The following ST8SIA5 variants were observed in gnomAD, a reference collection of about 807,000 sequenced individuals.
ST8SIA5 encodes ST8 alpha-N-acetyl-neuraminide alpha-2,8-sialyltransferase 5.
ST8SIA5 carries 24 observed loss-of-function variants against 40.2 expected under a neutral mutation model. The ratio of observed to expected loss-of-function variants is 0.60; its 90% confidence interval spans 0.43 to 0.84. ST8SIA5 has a LOEUF of 0.84. Among genes scored for constraint, ST8SIA5 ranks in the 40% least tolerant of loss-of-function variants. The pLI, the probability that ST8SIA5 is intolerant of heterozygous loss-of-function variation, is 0.00. For missense variants in ST8SIA5, 465 were observed against 498.5 expected, an observed-to-expected ratio of 0.93 and a Z score of 0.64; for synonymous variants, 198 against 201.8, an observed-to-expected ratio of 0.98 and a Z score of 0.16.
intron 1 of ST8SIA5, among the ~76,000 whole-genome samples, chr18:46,733,960 G>A (rs1294837130): frequency 1.3e-5 from 2 of 152,144 alleles, no homozygotes; most frequent in Admixed American, 6.5e-5. Context: ...TCTGTGGGCT[G>A]GGCCCAGAAT....
rs1320543549 is a variant in ST8SIA5, at chr18:46,674,284, A to G, written c.*5758T>C. The G allele has an allele frequency of 6.6e-6, 1 of 152,214 alleles. No individual in the cohort carries two copies. The highest frequency in any genetic ancestry group is 2.4e-5 in the African/African-American group (1 of 41,446). The allele number at this position is 152,214 out of a possible 1,614,324, so 9.4% of individuals were successfully genotyped here. ...CTAGAGGAAAAAGGATTGGCTAGCC[A>G]GCAAAAAGCAGATGAGCAGGATTAT... On this transcript the variant is annotated 3_prime_UTR_variant, in exon 7 of 7. Coordinates refer to ENST00000315087, the MANE Select transcript of ST8SIA5 (RefSeq NM_013305.6).
intron 1 of ST8SIA5, among the ~76,000 whole-genome samples, chr18:46,755,624 C>A (rs1378924044): frequency 6.6e-6 from 1 of 152,076 alleles, no homozygotes; most frequent in Admixed American, 6.5e-5. Flanking sequence ...TGAGGCTGTG[C>A]CCGAATTGAA....
intron 2 of ST8SIA5, among the ~76,000 whole-genome samples, chr18:46,698,171 CACA>C (rs1218137541): frequency 8.0e-5 from 12 of 150,110 alleles, no homozygotes; most frequent in Admixed American, 1.3e-4. Flanking sequence ...CACCAACAAT[CACA>C]ACAATAATCC....
At chr18:46,709,233 A>G (rs555449990) in intron 1 of ST8SIA5, among the ~76,000 whole-genome samples, 9 of 152,324 alleles carry the variant, frequency 5.9e-5, no homozygotes, top group South Asian at 4.1e-4. Context: ...TCTGCCCTCA[A>G]TGATGGGATT....
intron 2 of ST8SIA5, among the ~76,000 whole-genome samples, chr18:46,702,389 G>A (rs143968862): frequency 6.6e-6 from 1 of 152,286 alleles, no homozygotes; most frequent in African/African-American, 2.4e-5. Context: ...CCCAGGCCCT[G>A]CTTAAAACCA....
intron 3 of ST8SIA5, 178 bp downstream of exon 3, chr18:46,691,991 C>T (rs1461910358): frequency 3.1e-6 from 2 of 638,676 alleles, no homozygotes; most frequent in Non-Finnish European, 5.6e-6. Context: ...AAGGTGCCTG[C>T]CTCAGCCTGC....
chr18:46,756,015 A>G (rs1441393378), intron 1 of ST8SIA5, among the ~76,000 whole-genome samples: 7 of 152,118 alleles, frequency 4.6e-5, no homozygotes, highest in African/African-American at 1.4e-4. Flanking sequence ...GAGCCCTCCG[A>G]CCCCGGAGTC....
intron 1 of ST8SIA5, among the ~76,000 whole-genome samples, chr18:46,732,706 T>C (rs1411123157): frequency 4.6e-5 from 7 of 152,250 alleles, no homozygotes; most frequent in African/African-American, 9.6e-5. Flanking sequence ...GAGGATAATC[T>C]ATTGAATTAT....
chr18:46,684,704 T>C (rs1394819060), intron 5 of ST8SIA5, among the ~76,000 whole-genome samples: 4 of 152,216 alleles, frequency 2.6e-5, no homozygotes, highest in Admixed American at 2.0e-4. Context: ...TTCTGAGTAG[T>C]TATGTTGTGC....
rs59660372 is a variant in ST8SIA5 at position 46,725,972 on chromosome 18, A to AAAATATATATAT, written c.132-21309_132-21308insATATATATATTT. ...CCCATCTCTACTTAAAAAAAAAAAA[A>AAAATATATATAT]ATATATATATATATATATATATATA... On this transcript the variant is annotated intron_variant, in intron 1 of 6. Transcript: ENST00000315087. Among the ~76,000 whole-genome samples, 8 of 29,090 alleles carry AAAATATATATAT rather than the reference A, an allele frequency of 2.8e-4. 1 individual carries two copies. Among genetic ancestry groups the AAAATATATATAT allele is most frequent in the African/African-American group, 3.0e-4 (2 of 6,658 alleles). 19.1% of individuals were successfully genotyped at this position (29,090 alleles called of 152,430 possible). A position where few individuals can be genotyped will look rare whatever the true frequency, so the allele number is the denominator to read the frequency against.
chr18:46,747,326 C>G (rs1365891252), intron 1 of ST8SIA5, among the ~76,000 whole-genome samples: 1 of 152,076 alleles, frequency 6.6e-6, no homozygotes, highest in Non-Finnish European at 1.5e-5. Context: ...ACCCATCTGA[C>G]AAAGGGTTAA....
intron 1 of ST8SIA5, among the ~76,000 whole-genome samples, chr18:46,726,240 TA>T (rs112855786): frequency 0.012 from 1,810 of 151,464 alleles, 45 homozygotes; most frequent in African/African-American, 0.042. Context: ...ATTTAAAAAA[TA>T]AAACATTTTA....
chr18:46,694,882 G>A (rs1331371787), intron 2 of ST8SIA5, among the ~76,000 whole-genome samples: 2 of 151,846 alleles, frequency 1.3e-5, no homozygotes, highest in Non-Finnish European at 2.9e-5. Flanking sequence ...TTTTAGGCCG[G>A]GCGCAGTGGC....
rs1315421967 is a variant in ST8SIA5, at chr18:46,681,205, T to A, written c.663-695A>T. Among the ~76,000 whole-genome samples, 3 of 152,108 alleles carry A rather than the reference T, an allele frequency of 2.0e-5. No individual in the cohort carries two copies. The South Asian group carries it at 6.2e-4, about 32-fold the overall frequency. On this transcript the variant is annotated intron_variant, in intron 6 of 6. Transcript: ENST00000315087. ...GTTGCCTAATTTGGTCTCGAACTCC[T>A]GGCCGCAAGCCACACTCTGGCCTCA...
intron 1 of ST8SIA5, among the ~76,000 whole-genome samples, chr18:46,705,592 C>T (rs997741201): frequency 1.3e-5 from 2 of 152,254 alleles, no homozygotes; most frequent in Non-Finnish European, 2.9e-5. Flanking sequence ...TGCCACTTGG[C>T]TATGAGCACG....
Position 46,676,870 on chromosome 18 carries a change from T to G in ST8SIA5, c.*3172A>C, listed in dbSNP as rs777357338. On this transcript the variant is annotated 3_prime_UTR_variant, in exon 7 of 7. Transcript: ENST00000315087. ...AGGTCTCTCTGAGCCTTTGAAAAAATGTTTTTCTTATAAACACTGGCTGCA... is the reference window on the plus strand; with the variant it reads ...AGGTCTCTCTGAGCCTTTGAAAAAAGGTTTTTCTTATAAACACTGGCTGCA... The G allele has an allele frequency of 2.6e-5, 4 of 152,124 alleles. No homozygotes were observed. Among genetic ancestry groups the G allele is most frequent in the Non-Finnish European group, 5.9e-5 (4 of 68,022 alleles). The allele number at this position is 152,124 out of a possible 1,614,324, so 9.4% of individuals were successfully genotyped here.
chr18:46,703,986 T>TA (rs1055995491), intron 2 of ST8SIA5, among the ~76,000 whole-genome samples: 12 of 151,422 alleles, frequency 7.9e-5, no homozygotes, highest in South Asian at 2.1e-4. Flanking sequence ...ACCATTTATG[T>TA]AAAAAAAAAC....
chr18:46,729,964 T>A (rs1268133356), intron 1 of ST8SIA5, among the ~76,000 whole-genome samples: 1 of 152,068 alleles, frequency 6.6e-6, no homozygotes, highest in Non-Finnish European at 1.5e-5. Context: ...GCAGCACTAA[T>A]CCCAGAAATT....
chr18:46,689,878 C>T (rs2039487297), intron 3 of ST8SIA5, among the ~76,000 whole-genome samples: 1 of 151,416 alleles, frequency 6.6e-6, no homozygotes, highest in Non-Finnish European at 1.5e-5. Flanking sequence ...TGTGAGTCAC[C>T]ATGCCTGGCC....
Sources: allele counts gnomAD v4.1 joint callset (sites outside exome capture counted in the v4.1 genomes callset), GRCh38; gene constraint gnomAD v4.1.1; transcripts MANE v1.5; gene names NCBI Gene and HGNC (gene_info 2026-07-23, HGNC 2026-07-21).